Variants in ATRNL1 observed in about 807,000 individuals in gnomAD.
ATRNL1 encodes the protein attractin like 1.
In ATRNL1, 95 loss-of-function variants were observed where a neutral mutation model predicts 182.7. That is an observed-to-expected ratio of 0.52 (90% CI 0.44 to 0.62). The LOEUF is 0.62. ATRNL1 is among the 20% of genes least tolerant of loss of function. ATRNL1 has a pLI of 0.00. For missense variants in ATRNL1, 1,471 were observed against 1,679.5 expected, an observed-to-expected ratio of 0.88 and a Z score of 2.17; for synonymous variants, 576 against 568.3, an observed-to-expected ratio of 1.01 and a Z score of -0.19.
intron 10 of ATRNL1, among the ~76,000 whole-genome samples, chr10:115,255,813 T>C (rs188193290): frequency 3.9e-5 from 6 of 152,234 alleles, no homozygotes; most frequent in African/African-American, 1.4e-4. Context: ...ATACCTTCCA[T>C]CAATACCTAA....
chr10:115,557,458 A>G (rs1037221351), intron 26 of ATRNL1, among the ~76,000 whole-genome samples: 3 of 152,122 alleles, frequency 2.0e-5, no homozygotes, highest in Middle Eastern at 3.2e-3. Flanking sequence ...GTGGAGAAAA[A>G]CCCTGAGCTT....
intron 26 of ATRNL1, among the ~76,000 whole-genome samples, chr10:115,688,023 A>T (rs1946274081): frequency 6.6e-6 from 1 of 152,064 alleles, no homozygotes. Context: ...CTCTATACCC[A>T]TGAAATCAAG....
At chr10:115,112,923 C>T (rs933965319) in intron 1 of ATRNL1, among the ~76,000 whole-genome samples, 4 of 152,084 alleles carry the variant, frequency 2.6e-5, no homozygotes, top group South Asian at 2.1e-4. Flanking sequence ...CAAAACCACT[C>T]GGACCAGATT....
chr10:115,839,349 A>G (rs1950750834), intron 27 of ATRNL1, among the ~76,000 whole-genome samples: 1 of 152,118 alleles, frequency 6.6e-6, no homozygotes, highest in African/African-American at 2.4e-5. Context: ...TCAGCACAGC[A>G]TTTGAAGCAG....
intron 26 of ATRNL1, among the ~76,000 whole-genome samples, chr10:115,704,079 T>A (rs1166180173): frequency 6.6e-6 from 1 of 151,988 alleles, no homozygotes; most frequent in African/African-American, 2.4e-5. Flanking sequence ...AAGAAAATTT[T>A]TAAACTTGAA....
chr10:115,552,330 CTAT>C (rs1554995753), intron 26 of ATRNL1, among the ~76,000 whole-genome samples: 2 of 151,266 alleles, frequency 1.3e-5, no homozygotes, highest in South Asian at 2.1e-4. Flanking sequence ...AAAGAACCCA[CTAT>C]TATTTCTTTA....
At chr10:115,530,124 G>A (rs1159432572) in intron 25 of ATRNL1, among the ~76,000 whole-genome samples, 1 of 145,552 alleles carries the variant, frequency 6.9e-6, no homozygotes, top group African/African-American at 2.5e-5. Context: ...TTCTCTATTA[G>A]TTGATGGTTA....
chr10:115,856,325 G>A (rs1268916713), intron 28 of ATRNL1, among the ~76,000 whole-genome samples: 1 of 149,948 alleles, frequency 6.7e-6, no homozygotes, highest in East Asian at 2.0e-4. Flanking sequence ...CTACTGGGGA[G>A]GCTGAGGCAG....
intron 28 of ATRNL1, among the ~76,000 whole-genome samples, chr10:115,922,938 T>C (rs1422853291): frequency 6.6e-6 from 1 of 152,224 alleles, no homozygotes. Context: ...AGGTAGTAGA[T>C]GGCTTATTCT....
chr10:115,133,750 C>T (rs1845374848), intron 5 of ATRNL1, among the ~76,000 whole-genome samples: 1 of 152,172 alleles, frequency 6.6e-6, no homozygotes, highest in African/African-American at 2.4e-5. Flanking sequence ...ATACATTCTT[C>T]TCAGCACCAC....
chr10:115,301,815 A>G (rs782187757), intron 16 of ATRNL1, 40 bp from the exon 17 acceptor site: 10 of 1,506,006 alleles, frequency 6.6e-6, no homozygotes, highest in Admixed American at 2.0e-5. Flanking sequence ...GTTAACATGA[A>G]GTTAAAAATG....
At chr10:115,412,048 G>A (rs1451372180) in intron 20 of ATRNL1, among the ~76,000 whole-genome samples, 7 of 152,044 alleles carry the variant, frequency 4.6e-5, no homozygotes, top group Non-Finnish European at 1.0e-4. Flanking sequence ...AAGTTAATGG[G>A]ATATTACTCC....
intron 28 of ATRNL1, among the ~76,000 whole-genome samples, chr10:115,866,951 T>C (rs1296505963): frequency 6.6e-6 from 1 of 152,194 alleles, no homozygotes; most frequent in African/African-American, 2.4e-5. Context: ...AGGGAACAGA[T>C]GTCAGTTTTA....
chr10:115,300,320 G>A, intron 16 of ATRNL1, 73 bp downstream of exon 16: 2 of 1,206,036 alleles, frequency 1.7e-6, no homozygotes, highest in South Asian at 1.5e-5. Flanking sequence ...TTCCTTCTAG[G>A]GTGTAGTCTT....
At chr10:115,200,471 T>A (rs1478363051) in intron 8 of ATRNL1, among the ~76,000 whole-genome samples, 1 of 148,784 alleles carries the variant, frequency 6.7e-6, no homozygotes, top group Admixed American at 6.7e-5. Flanking sequence ...AGTGAGAACA[T>A]GTAGTGTTTG....
intron 19 of ATRNL1, among the ~76,000 whole-genome samples, chr10:115,345,739 AC>A (rs1855946929): frequency 6.6e-6 from 1 of 152,214 alleles, no homozygotes. Flanking sequence ...CCAAAAGGAA[AC>A]TCCGTACTCA....
intron 26 of ATRNL1, among the ~76,000 whole-genome samples, chr10:115,622,002 G>GAGCAGAGGGCTCA (rs1857798322): frequency 6.6e-6 from 1 of 152,164 alleles, no homozygotes; most frequent in Non-Finnish European, 1.5e-5. Context: ...CTAAAGGTGA[G>GAGCAGAGGGCTCA]GTGTGGAAGG....
chr10:115,368,607 C>T (rs1857207729), intron 19 of ATRNL1, among the ~76,000 whole-genome samples: 1 of 152,096 alleles, frequency 6.6e-6, no homozygotes. Flanking sequence ...TTCTTCCTTT[C>T]TAACAAAAAC....
intron 19 of ATRNL1, among the ~76,000 whole-genome samples, chr10:115,361,539 C>G (rs1431889259): frequency 1.3e-5 from 2 of 152,040 alleles, no homozygotes; most frequent in African/African-American, 4.8e-5. Context: ...CTCACAGACA[C>G]ATGTATTTTC....
Sources: gnomAD v4.1 joint callset for allele counts (sites outside exome capture counted in the v4.1 genomes callset) on GRCh38, gnomAD v4.1.1 for gene constraint, MANE v1.5 for transcripts, NCBI Gene and HGNC (gene_info 2026-07-23, HGNC 2026-07-21) for gene names.